PCDH15: variants seen among roughly 807,000 people sequenced by gnomAD.
PCDH15 encodes protocadherin-15.
Under a neutral mutation model 178.5 loss-of-function variants are expected in PCDH15, and 129 were observed. That is an observed-to-expected ratio of 0.72 (90% CI 0.63 to 0.84). PCDH15 has a LOEUF of 0.84. Among genes scored for constraint, PCDH15 ranks in the 40% least tolerant of loss-of-function variants. The pLI, the probability that PCDH15 is intolerant of heterozygous loss-of-function variation, is 0.00. For synonymous variants in PCDH15, 800 were observed against 732.0 expected, an observed-to-expected ratio of 1.09 and a Z score of -1.50; for missense variants, 2,230 against 2,099.9, an observed-to-expected ratio of 1.06 and a Z score of -1.21.
Position 54,702,543 on chromosome 10 carries a change from C to A in PCDH15, c.-28-38253G>T, listed in dbSNP as rs369178216. Among the ~76,000 whole-genome samples the A allele has an allele frequency of 4.9e-3, 619 of 125,202 alleles. 1 individual carries two copies. The highest frequency in any genetic ancestry group is 5.9e-3 in the Non-Finnish European group (365 of 61,576). The allele number at this position is 125,202 out of a possible 152,430, so 82.1% of individuals were successfully genotyped here. A position where few individuals can be genotyped will look rare whatever the true frequency, so the allele number is the denominator to read the frequency against. ...CATTACTTCCAATTCCACAGAAATA[C>A]AAAAAAAAAAAAAAACCTTCAAGTA... On this transcript the variant is annotated intron_variant, in intron 1 of 37. Transcript: ENST00000644397.
intron 2 of PCDH15, among the ~76,000 whole-genome samples, chr10:55,379,134 C>A (rs372923743): frequency 3.3e-5 from 5 of 150,718 alleles, no homozygotes; most frequent in African/African-American, 1.2e-4. Context: ...GTATGTATGG[C>A]GCCTATTAAT....
chr10:55,494,040 T>A (rs1450408732), intron 2 of PCDH15, among the ~76,000 whole-genome samples: 2 of 151,884 alleles, frequency 1.3e-5, no homozygotes, highest in African/African-American at 2.4e-5. Context: ...TAACACATAG[T>A]CTGTTCTGGA....
chr10:54,576,679 G>A (rs1309688249), intron 2 of PCDH15, among the ~76,000 whole-genome samples: 2 of 152,098 alleles, frequency 1.3e-5, no homozygotes, highest in Non-Finnish European at 2.9e-5. Flanking sequence ...CAAATTCTTG[G>A]GAATTGTATC....
At chr10:54,258,120 C>A (rs575937248) in intron 8 of PCDH15, among the ~76,000 whole-genome samples, 50 of 152,160 alleles carry the variant, frequency 3.3e-4, no homozygotes, top group African/African-American at 1.2e-3. Flanking sequence ...CCCAATATTT[C>A]AGAGCCATTT....
At chr10:53,808,764 A>T (rs1222449285) in intron 37 of PCDH15, 1 of 1,612,622 alleles carries the variant, frequency 6.2e-7, no homozygotes, top group East Asian at 2.2e-5. Flanking sequence ...TGCTTCTGTC[A>T]TACGCTGGTA....
At chr10:54,384,081 G>A (rs573814392) in intron 3 of PCDH15, among the ~76,000 whole-genome samples, 13 of 148,998 alleles carry the variant, frequency 8.7e-5, no homozygotes, top group Non-Finnish European at 1.5e-5. Context: ...TGATCCATCC[G>A]CCTCGGCCTC....
At chr10:55,258,803 G>T in intron 1 of PCDH15, among the ~76,000 whole-genome samples, 1 of 118,112 alleles carries the variant, frequency 8.5e-6, no homozygotes, top group African/African-American at 3.2e-5. Context: ...TGACCTTTCT[G>T]GTCTGAAAGA....
At chr10:55,365,450 T>G (rs1460783366) in intron 2 of PCDH15, among the ~76,000 whole-genome samples, 2 of 152,126 alleles carry the variant, frequency 1.3e-5, no homozygotes, top group Non-Finnish European at 2.9e-5. Flanking sequence ...AATAACCTTG[T>G]GAGTGAGCAT....
At chr10:54,747,955 G>A (rs1044094970) in intron 1 of PCDH15, among the ~76,000 whole-genome samples, 1 of 151,944 alleles carries the variant, frequency 6.6e-6, no homozygotes, top group Non-Finnish European at 1.5e-5. Flanking sequence ...ACAGGCGCCC[G>A]CCACCACGCC....
At position 54,750,747 on chromosome 10, in the gene PCDH15, ATTTG is replaced by A. The variant is rs1482579256; in HGVS notation, c.-29+50174_-29+50177del. Among the ~76,000 whole-genome samples the A allele has an allele frequency of 2.0e-5, 3 of 152,264 alleles. No individual in the cohort carries two copies. The East Asian group carries it at 5.8e-4, about 29-fold the overall frequency. The stretch of plus-strand genomic sequence containing the variant: ...TTCTAAAATAATGTTACAAGTTTAT[ATTTG>A]TTTCACAGTAAATTATTTTTAAATT... On this transcript the variant is annotated intron_variant, in intron 1 of 37. Coordinates refer to ENST00000644397, the MANE Select transcript of PCDH15 (RefSeq NM_001384140.1).
chr10:54,797,507 A>AACACAC (rs71014418), intron 1 of PCDH15, among the ~76,000 whole-genome samples: 2,528 of 145,230 alleles, frequency 0.017, 31 homozygotes, highest in South Asian at 0.043. Context: ...TTATTGTTGA[A>AACACAC]ACACACACAC....
At chr10:54,172,462 C>T (rs1028750630) in intron 13 of PCDH15, among the ~76,000 whole-genome samples, 3 of 152,112 alleles carry the variant, frequency 2.0e-5, no homozygotes, top group Admixed American at 2.0e-4. Context: ...AGCCATGTTG[C>T]TCACACAAAG....
intron 2 of PCDH15, among the ~76,000 whole-genome samples, chr10:54,987,039 C>T (rs1839387343): frequency 6.6e-6 from 1 of 152,116 alleles, no homozygotes; most frequent in African/African-American, 2.4e-5. Context: ...CAACAGGCCC[C>T]AATGTGTGAT....
At chr10:54,440,352 C>A (rs112972431) in intron 3 of PCDH15, among the ~76,000 whole-genome samples, 15,397 of 151,842 alleles carry the variant, frequency 0.1, 901 homozygotes, top group Middle Eastern at 0.24. Context: ...TCAAAAATTG[C>A]CAGCTAGAGG....
intron 3 of PCDH15, among the ~76,000 whole-genome samples, chr10:54,467,915 A>G (rs2077637945): frequency 6.6e-6 from 1 of 151,604 alleles, no homozygotes; most frequent in African/African-American, 2.4e-5. Context: ...TTTTTCCAGG[A>G]ACTTGTTCAT....
Position 54,787,809 on chromosome 10 carries a change from CA to C in PCDH15, c.-29+13115del, listed in dbSNP as rs1211633159. Among the ~76,000 whole-genome samples the C allele has an allele frequency of 2.6e-5, 4 of 151,950 alleles. No homozygotes were observed. In the South Asian group the frequency reaches 8.3e-4, roughly 31 times the overall value. Reference sequence around the variant, plus strand: ...CAAATTCATGTTTGAGCCTTAAGTTCAGCGAAGCTTGTAGCAAGCCAGTTAT... The same window carrying C: ...CAAATTCATGTTTGAGCCTTAAGTTCGCGAAGCTTGTAGCAAGCCAGTTAT... On this transcript the variant is annotated intron_variant, in intron 1 of 37. Transcript: ENST00000644397.
intron 26 of PCDH15, among the ~76,000 whole-genome samples, chr10:53,898,475 C>CTGATTACT (rs2082116308): frequency 1.3e-5 from 2 of 152,290 alleles, no homozygotes; most frequent in African/African-American, 4.8e-5. Context: ...ATTAAAATGA[C>CTGATTACT]TGATTACTTG....
chr10:53,823,801 T>C, intron 32 of PCDH15: 1 of 456,726 alleles, frequency 2.2e-6, no homozygotes. Flanking sequence ...TCAGTACTTC[T>C]GTCCTAGAGC....
At position 55,457,665 on chromosome 10, in the gene PCDH15, A is replaced by G. The variant is rs1045369721; in HGVS notation, c.-156+169960T>C. 7.9e-5 allele frequency among the ~76,000 whole-genome samples: 12 copies of G among 152,110 alleles called. No homozygotes were observed. The Middle Eastern group carries it at 0.01, about 129-fold the overall frequency. Reference sequence around the variant, plus strand: ...AGGATAGGGTGGATGACCTGGTACCAAGATACCCCTGAGGGCCCGACGGCT... The same window carrying G: ...AGGATAGGGTGGATGACCTGGTACCGAGATACCCCTGAGGGCCCGACGGCT... On this transcript the variant is annotated intron_variant, in intron 2 of 5. Transcript: ENST00000613346.
Sources: allele counts gnomAD v4.1 joint callset (sites outside exome capture counted in the v4.1 genomes callset), GRCh38; gene constraint gnomAD v4.1.1; transcripts MANE v1.5; gene names NCBI Gene and HGNC (gene_info 2026-07-23, HGNC 2026-07-21).